Variants in FAM120C observed in about 807,000 individuals in gnomAD.
The protein encoded by FAM120C is constitutive coactivator of PPAR-gamma-like protein 2.
FAM120C carries 14 observed loss-of-function variants against 71.2 expected under a neutral mutation model. The ratio of observed to expected loss-of-function variants is 0.20; its 90% CI spans 0.13 to 0.31. The LOEUF (loss-of-function observed/expected upper bound fraction) is 0.31. Ranked by LOEUF, FAM120C falls within the 10% of genes least tolerant of loss-of-function variation. The pLI is 1.00. For missense variants in FAM120C, 500 were observed against 879.0 expected, an observed-to-expected ratio of 0.57 and a Z score of 5.45; for synonymous variants, 354 against 353.2, an observed-to-expected ratio of 1.00 and a Z score of -0.03.
chrX:54,143,860 A>C (rs185426795), intron 4 of FAM120C, among the ~76,000 whole-genome samples: 2 of 111,429 alleles, frequency 1.8e-5, no homozygotes, highest in Non-Finnish European at 3.8e-5. Context: ...GAGACACAAC[A>C]AAAAAAGAAT....
chrX:54,164,047 C>T (rs2067247850), intron 1 of FAM120C, among the ~76,000 whole-genome samples: 1 of 109,917 alleles, frequency 9.1e-6, no homozygotes, highest in African/African-American at 3.3e-5. Context: ...ATCCTCCTGC[C>T]TTAGCCCCCC....
intron 1 of FAM120C, among the ~76,000 whole-genome samples, chrX:54,179,520 A>G (rs2146655690): frequency 8.9e-6 from 1 of 112,077 alleles, no homozygotes; most frequent in Non-Finnish European, 1.9e-5. Flanking sequence ...TTATTAATCA[A>G]TACTTTCAAG....
intron 1 of FAM120C, among the ~76,000 whole-genome samples, chrX:54,176,698 G>A (rs2067320460): frequency 9.0e-6 from 1 of 111,683 alleles, no homozygotes; most frequent in Non-Finnish European, 1.9e-5. Flanking sequence ...ATATAACATT[G>A]TATAGCACTG....
At chrX:54,094,054 C>G (rs1177809778) in intron 10 of FAM120C, among the ~76,000 whole-genome samples, 10 of 106,553 alleles carry the variant, frequency 9.4e-5, no homozygotes, top group Non-Finnish European at 1.7e-4. Context: ...AGACTGACAT[C>G]CTTGGTTCTA....
At chrX:54,163,898 G>A (rs2067246388) in intron 1 of FAM120C, among the ~76,000 whole-genome samples, 1 of 108,193 alleles carries the variant, frequency 9.2e-6, no homozygotes. Flanking sequence ...GTGTGTGTGT[G>A]TGTGTGTGTG....
intron 10 of FAM120C, among the ~76,000 whole-genome samples, chrX:54,114,252 T>G (rs1228119746): frequency 9.1e-6 from 1 of 110,257 alleles, no homozygotes; most frequent in Non-Finnish European, 1.9e-5. Flanking sequence ...ATAATACACA[T>G]TGGGGACTCA....
intron 4 of FAM120C, among the ~76,000 whole-genome samples, chrX:54,149,499 C>T (rs182333283): frequency 1.9e-3 from 212 of 110,719 alleles, no homozygotes; most frequent in African/African-American, 6.0e-3. Flanking sequence ...ATTAGCCAGG[C>T]GTGGTGGCGG....
At chrX:54,103,393 C>CA (rs1184657849) in intron 10 of FAM120C, among the ~76,000 whole-genome samples, 8 of 110,959 alleles carry the variant, frequency 7.2e-5, no homozygotes, top group African/African-American at 1.6e-4. Context: ...AAATGAACAA[C>CA]AAAAAAAATC....
intron 4 of FAM120C, among the ~76,000 whole-genome samples, chrX:54,141,879 ATACT>A (rs782435895): frequency 9.0e-6 from 1 of 111,703 alleles, no homozygotes; most frequent in Non-Finnish European, 1.9e-5. Context: ...CAAATATGAA[ATACT>A]TAAGTATAAA....
intron 10 of FAM120C, among the ~76,000 whole-genome samples, chrX:54,095,203 T>C (rs898104794): frequency 8.9e-6 from 1 of 111,966 alleles, no homozygotes; most frequent in Non-Finnish European, 1.9e-5. Context: ...TACAATTTGG[T>C]AAAGTTCTCC....
At chrX:54,094,243 G>A (rs1229486598) in intron 10 of FAM120C, among the ~76,000 whole-genome samples, 1 of 108,636 alleles carries the variant, frequency 9.2e-6, no homozygotes, top group Non-Finnish European at 1.9e-5. Context: ...GACTATAGGT[G>A]CCTGCCACCA....
intron 11 of FAM120C, among the ~76,000 whole-genome samples, chrX:54,089,893 A>C (rs2066814873): frequency 9.2e-6 from 1 of 109,153 alleles, no homozygotes; most frequent in Non-Finnish European, 1.9e-5. Flanking sequence ...TGGGAGGCGG[A>C]GGTTGTGGTG....
rs782438399 is a variant in FAM120C at position 54,132,845 on chromosome X, C to T, written c.1909G>A (p.Val637Ile). The T allele has an allele frequency of 4.2e-6, 5 of 1,189,853 alleles. No homozygotes were observed. In the East Asian group the frequency reaches 9.0e-5, roughly 21 times the overall value. ...ATGTTACACTCATCCTCAATACATACGGGGATCTTAATTTCACCCTAACAA... is the reference window on the plus strand; with the variant it reads ...ATGTTACACTCATCCTCAATACATATGGGGATCTTAATTTCACCCTAACAA... ...VLTKGEIKIPVCIEDECNMEL... is the reference protein window; with the variant it reads ...VLTKGEIKIPICIEDECNMEL... The change falls in exon 9 of 16, where the codon GTA (valine) becomes ATA (isoleucine). Residue 637 changes from valine (V) to isoleucine (I), a missense_variant. By Grantham distance (29) the Val-to-Ile change is conservative. Around this residue, in one of 11 missense-constraint regions of FAM120C, gnomAD observed 104 missense variants for 254.5 expected, o/e 0.41. Coordinates refer to ENST00000375180, the MANE Select transcript of FAM120C (RefSeq NM_017848.6).
chrX:54,085,604 A>G (rs1249809750), intron 13 of FAM120C, 111 bp downstream of exon 13: 12 of 739,048 alleles, frequency 1.6e-5, no homozygotes, highest in African/African-American at 2.2e-5. Flanking sequence ...AAAAAAAGTC[A>G]ATGAGATGAG....
chrX:54,081,704 G>A (rs1318974086), intron 13 of FAM120C, among the ~76,000 whole-genome samples: 3 of 106,804 alleles, frequency 2.8e-5, no homozygotes, highest in African/African-American at 1.0e-4. Context: ...AACCCAGGAG[G>A]TGGAGGTTGC....
At chrX:54,100,011 T>C (rs2066874023) in intron 10 of FAM120C, among the ~76,000 whole-genome samples, 1 of 112,086 alleles carries the variant, frequency 8.9e-6, no homozygotes, top group Non-Finnish European at 1.9e-5. Context: ...TGAATTTATC[T>C]CAAAAGCCCA....
chrX:54,069,191 C>T lies in FAM120C; in HGVS notation c.*3842G>A, dbSNP rs1352083992. 2.7e-5 allele frequency: 3 copies of T among 111,389 alleles called. No individual in the cohort carries two copies. Among genetic ancestry groups the T allele is most frequent in the Non-Finnish European group, 5.6e-5 (3 of 53,112 alleles). The allele number at this position is 111,389 out of a possible 1,213,427, so 9.2% of individuals were successfully genotyped here. On this transcript the variant is annotated 3_prime_UTR_variant, in exon 16 of 16. Transcript: ENST00000375180. ...GTAACAGGGGAATAGGTGCACTGAGCTCTCTACCTGCACCAGCAGACTACT... is the reference window on the plus strand; with the variant it reads ...GTAACAGGGGAATAGGTGCACTGAGTTCTCTACCTGCACCAGCAGACTACT...
intron 10 of FAM120C, among the ~76,000 whole-genome samples, chrX:54,092,683 G>C (rs1471216226): frequency 1.1e-4 from 12 of 111,612 alleles, no homozygotes; most frequent in Non-Finnish European, 1.9e-4. Context: ...ATTGTAGGAA[G>C]ACACTGCAGG....
chrX:54,183,006 G>T lies in FAM120C; in HGVS notation c.193C>A (p.Pro65Thr). Residue 65 changes from proline to threonine, a missense_variant, in exon 1 of 16, where the codon CCG (proline) becomes ACG (threonine). By Grantham distance (38) the Pro-to-Thr change is conservative. This residue lies in a region of FAM120C where 79 missense variants were observed against 78.3 expected (regional missense o/e 1.01). Transcript: ENST00000375180. Reference sequence around the variant, plus strand: ...CCCAAGGCAGCGGGCGGAAGCGGCGGTTGCAGAGGCACGGAGCCCCTGGCG... The same window carrying T: ...CCCAAGGCAGCGGGCGGAAGCGGCGTTTGCAGAGGCACGGAGCCCCTGGCG... The part of the protein sequence containing the change: ...RAARGSVPLQ[P>T]PLPPAALGAY... 1 of 1,159,242 alleles carries T rather than the reference G, an allele frequency of 8.6e-7. No individual in the cohort carries two copies.
Sources: gnomAD v4.1 joint callset for allele counts (sites outside exome capture counted in the v4.1 genomes callset) on GRCh38, gnomAD v4.1.1 for gene constraint, gnomAD v4.1.1 regional missense constraint, MANE v1.5 for transcripts, NCBI Gene and HGNC (gene_info 2026-07-23, HGNC 2026-07-21) for gene names.